DDC: variants seen among roughly 807,000 people sequenced by gnomAD.
The protein encoded by DDC is dopa decarboxylase, also known as aromatic-L-amino-acid decarboxylase.
Under a neutral mutation model 60.0 loss-of-function variants are expected in DDC, and 43 were observed. That is an observed-to-expected ratio of 0.72 (90% CI 0.56 to 0.92). DDC has a LOEUF of 0.92. Ranked by LOEUF, DDC falls within the 40% of genes least tolerant of loss-of-function variation. The pLI, the probability that DDC is intolerant of heterozygous loss-of-function variation, is 0.00. For synonymous variants in DDC, 232 were observed against 234.6 expected (o/e 0.99, Z 0.10); for missense variants, 573 against 620.2 (o/e 0.92, Z 0.81).
Position 50,537,971 on chromosome 7 carries a change from G to A in DDC, c.324C>T (p.Ser108=), listed in dbSNP as rs1342273944. 6.2e-7 allele frequency: 1 copy of A among 1,614,178 alleles called. No individual in the cohort carries two copies. Among genetic ancestry groups the A allele is most frequent in the African/African-American group, 1.3e-5 (1 of 75,038 alleles). The change falls in exon 4 of 15, where the codon AGC becomes AGT. Residue 108 remains serine (S), a synonymous_variant. Coordinates refer to ENST00000444124, the MANE Select transcript of DDC (RefSeq NM_001082971.2). ...CAGTCTCCAGCTCTGTGCATGCTGG[G>A]CTTGCCGCCTGTCGTGGGGGAAGGG... is the stretch of plus-strand genomic sequence containing the variant. The part of the protein sequence containing the change: ...IGCIGFSWAA[S]PACTELETVM...
At chr7:50,503,835 C>A (rs2043318106) in intron 7 of DDC, among the ~76,000 whole-genome samples, 158 bp downstream of exon 7, 1 of 152,080 alleles carries the variant, frequency 6.6e-6, no homozygotes, top group Admixed American at 6.5e-5. Context: ...TTGTGGAGTT[C>A]AAGCTAATGA....
intron 12 of DDC, among the ~76,000 whole-genome samples, chr7:50,469,662 C>A (rs2153534260): frequency 1.3e-5 from 2 of 152,284 alleles, no homozygotes; most frequent in Middle Eastern, 3.4e-3. Flanking sequence ...CAGTCTGGTT[C>A]TCTTGCCATG....
intron 4 of DDC, among the ~76,000 whole-genome samples, chr7:50,536,906 C>A (rs1363181129): frequency 1.3e-5 from 2 of 152,192 alleles, no homozygotes; most frequent in Non-Finnish European, 2.9e-5. Flanking sequence ...AAGACAATAT[C>A]TGAAAAGGAA....
intron 7 of DDC, among the ~76,000 whole-genome samples, chr7:50,503,666 G>A (rs887797457): frequency 2.0e-5 from 3 of 152,224 alleles, no homozygotes; most frequent in African/African-American, 7.2e-5. Context: ...CACATATGAA[G>A]GTGGTTACTC....
At chr7:50,487,816 A>C (rs565920316) in intron 9 of DDC, among the ~76,000 whole-genome samples, 3 of 152,282 alleles carry the variant, frequency 2.0e-5, no homozygotes, top group East Asian at 3.9e-4. Context: ...CTGTCAACAC[A>C]TATTATTGTT....
intron 6 of DDC, among the ~76,000 whole-genome samples, chr7:50,525,736 C>G (rs1481710780): frequency 1.3e-5 from 2 of 151,760 alleles, no homozygotes; most frequent in Non-Finnish European, 2.9e-5. Context: ...TGCACTCCAA[C>G]CTGGGTGATA....
chr7:50,518,687 T>A (rs991152913), intron 6 of DDC, among the ~76,000 whole-genome samples: 3 of 152,172 alleles, frequency 2.0e-5, no homozygotes, highest in Non-Finnish European at 4.4e-5. Flanking sequence ...GCTAGCCACA[T>A]GTAGGAGAAT....
Position 50,519,072 on chromosome 7 carries a change from T to C in DDC, c.714+9065A>G, listed in dbSNP as rs183275576. 4.6e-5 allele frequency among the ~76,000 whole-genome samples: 7 copies of C among 152,172 alleles called. No individual in the cohort carries two copies. In the East Asian group the frequency reaches 1.4e-3, roughly 29 times the overall value. ...ATAAACAAACAATCCCATCAAAAAC[T>C]GGGCTAAGGACATGAATAGACAATT... is the stretch of plus-strand genomic sequence containing the variant. On this transcript the variant is annotated intron_variant, in intron 6 of 14. Transcript: ENST00000444124.
chr7:50,466,966 A>G (rs1196461092), intron 13 of DDC, among the ~76,000 whole-genome samples: 1 of 152,204 alleles, frequency 6.6e-6, no homozygotes, highest in Non-Finnish European at 1.5e-5. Context: ...AATGGTAAAG[A>G]TTCTGCGGCC....
intron 7 of DDC, among the ~76,000 whole-genome samples, chr7:50,499,781 A>G (rs934732148): frequency 1.3e-5 from 2 of 152,144 alleles, no homozygotes; most frequent in Admixed American, 6.5e-5. Context: ...TCTGTTTTCC[A>G]ACCATGCATA....
intron 6 of DDC, among the ~76,000 whole-genome samples, chr7:50,508,696 A>G (rs2043467594): frequency 1.3e-5 from 2 of 152,220 alleles, no homozygotes; most frequent in Non-Finnish European, 2.9e-5. Context: ...AATATAATGA[A>G]GACCATGTGG....
intron 12 of DDC, 64 bp downstream of exon 12, chr7:50,470,009 T>G: frequency 9.2e-7 from 1 of 1,084,948 alleles, no homozygotes; most frequent in South Asian, 1.3e-5. Context: ...AAATTTGAAT[T>G]TATTTCTAAA....
At chr7:50,462,810 G>A (rs141723133) in intron 14 of DDC, among the ~76,000 whole-genome samples, 2 of 115,200 alleles carry the variant, frequency 1.7e-5, no homozygotes, top group African/African-American at 3.6e-5. Context: ...CTGCATTATC[G>A]CCAGGCTGTA....
At chr7:50,500,417 G>A (rs568035947) in intron 7 of DDC, among the ~76,000 whole-genome samples, 6 of 152,230 alleles carry the variant, frequency 3.9e-5, no homozygotes, top group Middle Eastern at 3.4e-3. Context: ...GGACACAAAC[G>A]TTCAGACTAC....
chr7:50,501,782 T>C (rs893920182), intron 7 of DDC, among the ~76,000 whole-genome samples: 1 of 152,098 alleles, frequency 6.6e-6, no homozygotes, highest in Non-Finnish European at 1.5e-5. Context: ...TCAATAAAAA[T>C]GGAAATGTTG....
intron 6 of DDC, among the ~76,000 whole-genome samples, chr7:50,508,959 G>A (rs2043475526): frequency 6.6e-6 from 1 of 152,162 alleles, no homozygotes; most frequent in Non-Finnish European, 1.5e-5. Flanking sequence ...ACCATGCCCA[G>A]AAGTACCTGC....
intron 9 of DDC, chr7:50,492,786 G>A: frequency 6.9e-7 from 1 of 1,458,536 alleles, no homozygotes; most frequent in Non-Finnish European, 9.0e-7. Context: ...CTCACAGGCT[G>A]GTGGCTGAAC....
chr7:50,519,118 T>G (rs1312452943), intron 6 of DDC, among the ~76,000 whole-genome samples: 1 of 107,180 alleles, frequency 9.3e-6, no homozygotes, highest in East Asian at 3.0e-4. Context: ...GATATACAAA[T>G]GGCCAACAAA....
intron 6 of DDC, among the ~76,000 whole-genome samples, chr7:50,519,662 C>A (rs993890562): frequency 8.5e-5 from 13 of 152,104 alleles, no homozygotes; most frequent in Admixed American, 3.9e-4. Context: ...ATTGTAGGTT[C>A]TCACTGATAT....
Sources: allele counts gnomAD v4.1 joint callset (sites outside exome capture counted in the v4.1 genomes callset), GRCh38; gene constraint gnomAD v4.1.1; transcripts MANE v1.5; gene names NCBI Gene and HGNC (gene_info 2026-07-23, HGNC 2026-07-21).